Variants in RGS5 observed in about 807,000 individuals in gnomAD.
RGS5 encodes regulator of G-protein signalling 5.
In RGS5, 20 loss-of-function variants were observed where a neutral mutation model predicts 18.9. That is an observed-to-expected ratio of 1.06 (90% CI 0.74 to 1.54). The LOEUF (loss-of-function observed/expected upper bound fraction) is 1.54. RGS5 is among the 40% of genes most tolerant of loss of function. The probability of loss-of-function intolerance (pLI) is 0.00; values close to 1 mark genes in which losing one functional copy is unlikely to be tolerated. For synonymous variants in RGS5, 57 were observed against 76.2 expected (o/e 0.75, Z 1.31); for missense variants, 201 against 211.8 (o/e 0.95, Z 0.32).
intron 2 of RGS5, among the ~76,000 whole-genome samples, chr1:163,277,151 T>C (rs1448928905): frequency 6.6e-6 from 1 of 152,218 alleles, no homozygotes; most frequent in Non-Finnish European, 1.5e-5. Context: ...TCCAGGTCTT[T>C]AGATAATAAC....
chr1:163,154,323 T>G lies in RGS5; in HGVS notation c.218-1607A>C, dbSNP rs988655646. Among the ~76,000 whole-genome samples the G allele has an allele frequency of 2.6e-5, 4 of 152,274 alleles. No homozygotes were observed. In the East Asian group the frequency reaches 5.8e-4, roughly 22 times the overall value. ...CAATTTACCTCCTGTATATTTTTACTCTTCTCATACCCTTCACAGTACCCT... is the reference window on the plus strand; with the variant it reads ...CAATTTACCTCCTGTATATTTTTACGCTTCTCATACCCTTCACAGTACCCT... On this transcript the variant is annotated intron_variant, in intron 3 of 4. Coordinates refer to ENST00000313961, the MANE Select transcript of RGS5 (RefSeq NM_003617.4).
At chr1:163,302,285 T>C (rs1437451136) in intron 2 of RGS5, among the ~76,000 whole-genome samples, 4 of 150,516 alleles carry the variant, frequency 2.7e-5, no homozygotes, top group Admixed American at 6.6e-5. Context: ...CTTTTGTATA[T>C]GCAAGGAAAC....
At chr1:163,241,876 G>A (rs1647800459) in intron 2 of RGS5, among the ~76,000 whole-genome samples, 1 of 152,186 alleles carries the variant, frequency 6.6e-6, no homozygotes, top group African/African-American at 2.4e-5. Flanking sequence ...TTGACTTCCT[G>A]GGGATATAAT....
intron 2 of RGS5, among the ~76,000 whole-genome samples, chr1:163,253,564 C>T (rs1318994042): frequency 2.0e-5 from 3 of 151,814 alleles, no homozygotes; most frequent in African/African-American, 7.3e-5. Context: ...CCCACCTCGG[C>T]CTGCCAAAGT....
At chr1:163,318,462 A>G (rs575754706) in intron 1 of RGS5, among the ~76,000 whole-genome samples, 1 of 152,282 alleles carries the variant, frequency 6.6e-6, no homozygotes, top group East Asian at 1.9e-4. Context: ...TAGAATTGGG[A>G]GTACAAATGA....
chr1:163,178,967 G>A (rs569681151), intron 1 of RGS5, among the ~76,000 whole-genome samples: 6 of 152,246 alleles, frequency 3.9e-5, no homozygotes, highest in East Asian at 3.9e-4. Flanking sequence ...CAAAAGTAAC[G>A]TGTTGAATTG....
chr1:163,290,776 T>G (rs535232756), intron 2 of RGS5, among the ~76,000 whole-genome samples: 7 of 152,242 alleles, frequency 4.6e-5, no homozygotes, highest in Admixed American at 3.9e-4. Context: ...CTTTCATATC[T>G]TCACTAAATA....
At chr1:163,306,432 A>T (rs1042623252) in intron 1 of RGS5, 4 of 152,210 alleles carry the variant, frequency 2.6e-5, no homozygotes, top group African/African-American at 7.2e-5. Flanking sequence ...AAGGAGGTAA[A>T]AATCCAGGAA....
At chr1:163,158,689 T>C (rs189639394) in intron 3 of RGS5, among the ~76,000 whole-genome samples, 38 of 151,980 alleles carry the variant, frequency 2.5e-4, no homozygotes, top group Admixed American at 1.7e-3. Context: ...ACGAGGCAAA[T>C]GGAGGCAGGG....
chr1:163,284,101 G>A (rs900918656), intron 2 of RGS5, among the ~76,000 whole-genome samples: 6 of 152,182 alleles, frequency 3.9e-5, no homozygotes, highest in African/African-American at 1.4e-4. Context: ...AAAATGTCAC[G>A]ATGTATTTTG....
At chr1:163,310,096 T>C (rs952542927) in intron 1 of RGS5, among the ~76,000 whole-genome samples, 47 of 152,206 alleles carry the variant, frequency 3.1e-4, no homozygotes, top group African/African-American at 1.1e-3. Flanking sequence ...TGTGCTGTCA[T>C]CAAGGATTTG....
At chr1:163,248,467 T>TA (rs890542223) in intron 2 of RGS5, 2 of 152,188 alleles carry the variant, frequency 1.3e-5, no homozygotes, top group Non-Finnish European at 2.9e-5. Flanking sequence ...TACCCTTGTT[T>TA]AAAATGAACT....
intron 1 of RGS5, chr1:163,172,600 T>C (rs1435627502): frequency 6.5e-7 from 1 of 1,549,888 alleles, no homozygotes; most frequent in Non-Finnish European, 8.7e-7. Flanking sequence ...GCCCTGGAAA[T>C]GTAAGGGAGA....
intron 1 of RGS5, among the ~76,000 whole-genome samples, chr1:163,209,957 A>T (rs976724165): frequency 2.0e-5 from 3 of 151,888 alleles, no homozygotes; most frequent in African/African-American, 4.8e-5. Context: ...TGGTTTTAAG[A>T]TTACAACTGT....
At chr1:163,176,956 A>T (rs532101494) in intron 1 of RGS5, among the ~76,000 whole-genome samples, 1 of 152,376 alleles carries the variant, frequency 6.6e-6, no homozygotes, top group Admixed American at 6.5e-5. Flanking sequence ...AACAGTGGTC[A>T]GCAAACTCTT....
At chr1:163,224,213 C>A (rs1457202683) in intron 2 of RGS5, among the ~76,000 whole-genome samples, 1 of 152,070 alleles carries the variant, frequency 6.6e-6, no homozygotes, top group African/African-American at 2.4e-5. Flanking sequence ...CCTCCCTCCC[C>A]TCCCCTCCCC....
chr1:163,213,539 T>C (rs1660151877), intron 1 of RGS5, among the ~76,000 whole-genome samples: 1 of 152,118 alleles, frequency 6.6e-6, no homozygotes, highest in Non-Finnish European at 1.5e-5. Context: ...TAAAGATGGT[T>C]TAGAGGAAGG....
chr1:163,202,784 G>C lies in RGS5; in HGVS notation c.44+8C>G, dbSNP rs2292270. 252,181 of 1,611,734 alleles carry C rather than the reference G, an allele frequency of 0.16. 20,942 individuals carry two copies. The highest frequency in any genetic ancestry group is 0.17 in the Non-Finnish European group (200,274 of 1,178,276). ...GCATCTCTTAAACAAAAATAACTTG[G>C]TTCTCACCTTTCCAGGCATGAGTGG... On this transcript the variant is annotated splice_region_variant and intron_variant, in intron 1 of 4. Coordinates refer to ENST00000313961, the MANE Select transcript of RGS5 (RefSeq NM_003617.4).
At position 163,272,980 on chromosome 1, in the gene RGS5, T is replaced by C. The variant is rs138374368; in HGVS notation, c.-281+33253A>G. 4.3e-4 allele frequency among the ~76,000 whole-genome samples: 66 copies of C among 152,256 alleles called. No homozygotes were observed. In the East Asian group the frequency reaches 0.012, roughly 27 times the overall value. ...AAATATTCCATTGTGATTTCTTTTT[T>C]GAATCATGAGGGGTTTTTTTCATAA... is the stretch of plus-strand genomic sequence containing the variant. On this transcript the variant is annotated intron_variant, in intron 2 of 5. Transcript: ENST00000618415.
Sources: gnomAD v4.1 joint callset for allele counts (sites outside exome capture counted in the v4.1 genomes callset) on GRCh38, gnomAD v4.1.1 for gene constraint, MANE v1.5 for transcripts, NCBI Gene and HGNC (gene_info 2026-07-23, HGNC 2026-07-21) for gene names.